The following CIT variants were observed in gnomAD, a reference collection of about 807,000 sequenced individuals.
CIT encodes citron Rho-interacting kinase.
CIT carries 79 observed loss-of-function variants against 272.7 expected under a neutral mutation model. That is an observed-to-expected ratio of 0.29 (90% CI 0.24 to 0.35). The LOEUF is 0.35. CIT is among the 10% of genes least tolerant of loss of function. The pLI is 1.00. For missense variants in CIT, 1,909 were observed against 2,618.3 expected, an observed-to-expected ratio of 0.73 and a Z score of 5.91; for synonymous variants, 948 against 995.6, an observed-to-expected ratio of 0.95 and a Z score of 0.90.
chr12:119,695,743 T>C (rs1956192934), intron 46 of CIT, among the ~76,000 whole-genome samples: 1 of 152,122 alleles, frequency 6.6e-6, no homozygotes, highest in Admixed American at 6.5e-5. Flanking sequence ...TGCAGTGAGC[T>C]GGTACCACTG....
chr12:119,713,902 G>A lies in CIT; in HGVS notation c.4307-254C>T, dbSNP rs1474916200. 8 of 606,204 alleles carry A rather than the reference G, an allele frequency of 1.3e-5. No homozygotes were observed. Among genetic ancestry groups the A allele is most frequent in the South Asian group, 4.0e-5 (2 of 49,868 alleles). 37.6% of individuals were successfully genotyped at this position (606,204 alleles called of 1,614,324 possible). Reference sequence around the variant, plus strand: ...CCACAAACAGGTGTGTAAAGAACACGTTTGCATGTTTCAGTTGGAGTCAGC... The same window carrying A: ...CCACAAACAGGTGTGTAAAGAACACATTTGCATGTTTCAGTTGGAGTCAGC... On this transcript the variant is annotated intron_variant, in intron 33 of 47. Transcript: ENST00000392521. The surrounding 1 kb of genome is among the most constrained non-coding windows in gnomAD (Gnocchi z 5.2).
chr12:119,688,357 C>T (rs1401917860), intron 47 of CIT, 102 bp from the exon 48 acceptor site: 1 of 1,169,674 alleles, frequency 8.5e-7, no homozygotes, highest in Non-Finnish European at 1.3e-6. Context: ...GGGCTATCCC[C>T]TTCAGCAGCT....
intron 3 of CIT, among the ~76,000 whole-genome samples, chr12:119,861,541 C>T (rs1044495090): frequency 9.2e-5 from 14 of 151,470 alleles, no homozygotes; most frequent in Non-Finnish European, 1.9e-4. Context: ...GAGCCGAGAT[C>T]GCGCCATTGC....
chr12:119,767,102 A>G lies in CIT; in HGVS notation c.2289T>C (p.Tyr763=), dbSNP rs1357370441. The change falls in exon 19 of 48, where the codon TAT becomes TAC. Residue 763 remains tyrosine, a synonymous_variant. Transcript: ENST00000392521. ...ATGTCTTTACTTTAATCTTTTCCTCATAGTGCTGCTCTTTCTGTTTCAGGT... is the reference window on the plus strand; with the variant it reads ...ATGTCTTTACTTTAATCTTTTCCTCGTAGTGCTGCTCTTTCTGTTTCAGGT... The part of the protein sequence containing the change: ...EVHLKQKEQH[Y]EEKIKVLDNQ... The G allele has an allele frequency of 3.1e-6, 5 of 1,609,858 alleles. No homozygotes were observed. The highest frequency in any genetic ancestry group is 3.4e-6 in the Non-Finnish European group (4 of 1,177,870).
chr12:119,776,963 G>A (rs1013193726), intron 13 of CIT, 121 bp from the exon 14 acceptor site: 1 of 1,114,864 alleles, frequency 9.0e-7, no homozygotes, highest in African/African-American at 1.6e-5. Flanking sequence ...GACTGGCAAA[G>A]AAAAGACCTG....
intron 32 of CIT, among the ~76,000 whole-genome samples, chr12:119,714,980 TC>T (rs1463649939): frequency 6.6e-6 from 1 of 152,224 alleles, no homozygotes; most frequent in African/African-American, 2.4e-5. Flanking sequence ...CCAAATCTCA[TC>T]TTGAATTGCA....
At chr12:119,845,837 C>T (rs1969763014) in intron 5 of CIT, among the ~76,000 whole-genome samples, 1 of 150,828 alleles carries the variant, frequency 6.6e-6, no homozygotes, top group African/African-American at 2.4e-5. Flanking sequence ...GTAATCCCAA[C>T]TACTCGGGAG....
At chr12:119,831,472 T>C (rs1968624060) in intron 7 of CIT, among the ~76,000 whole-genome samples, 1 of 152,092 alleles carries the variant, frequency 6.6e-6, no homozygotes, top group Non-Finnish European at 1.5e-5. Context: ...AGGTCTCAGG[T>C]CTGCAGAACA....
At chr12:119,692,487 T>G (rs1317519099) in intron 46 of CIT, among the ~76,000 whole-genome samples, 2 of 152,232 alleles carry the variant, frequency 1.3e-5, no homozygotes, top group Non-Finnish European at 2.9e-5. Flanking sequence ...CAGTGTTTAT[T>G]GTGGAAGGAG....
chr12:119,806,650 T>A (rs1475317169), intron 9 of CIT, among the ~76,000 whole-genome samples: 6 of 77,358 alleles, frequency 7.8e-5, no homozygotes, highest in Non-Finnish European at 1.2e-4. Context: ...CTCCTTCCAA[T>A]CCCTACCAGA....
At position 119,764,432 on chromosome 12, in the gene CIT, C is replaced by T. The variant is rs191902051; in HGVS notation, c.2304+2655G>A. ...GAATGTCTAGAAGTAAAAAATATAACAACCGAAATTAAAACTCAACAGAAA... is the reference window on the plus strand; with the variant it reads ...GAATGTCTAGAAGTAAAAAATATAATAACCGAAATTAAAACTCAACAGAAA... On this transcript the variant is annotated intron_variant, in intron 19 of 47. Coordinates refer to ENST00000392521, the MANE Select transcript of CIT (RefSeq NM_001206999.2). Among the ~76,000 whole-genome samples the T allele has an allele frequency of 2.6e-5, 4 of 151,948 alleles. No homozygotes were observed. In the East Asian group the frequency reaches 7.8e-4, roughly 29 times the overall value.
intron 5 of CIT, 43 bp downstream of exon 5, chr12:119,850,131 A>G (rs375188807): frequency 1.8e-5 from 22 of 1,210,332 alleles, no homozygotes; most frequent in Non-Finnish European, 2.6e-5. Context: ...TCTGAGTGTC[A>G]GAGTGCTAGG....
intron 23 of CIT, among the ~76,000 whole-genome samples, chr12:119,743,703 C>G (rs1440617187): frequency 1.3e-5 from 2 of 152,126 alleles, no homozygotes; most frequent in South Asian, 4.1e-4. Flanking sequence ...AGAAAAAGTG[C>G]TGTTAAACTA....
At chr12:119,799,469 GC>G (rs1966005345) in intron 10 of CIT, among the ~76,000 whole-genome samples, 1 of 152,184 alleles carries the variant, frequency 6.6e-6, no homozygotes, top group Non-Finnish European at 1.5e-5. Context: ...GGAAGCAATG[GC>G]AACAGCCACT....
rs897968236 is a variant in CIT at position 119,776,467 on chromosome 12, G to C, written c.1837-59C>G. 5 of 1,434,582 alleles carry C rather than the reference G, an allele frequency of 3.5e-6. No individual in the cohort carries two copies. In the African/African-American group the frequency reaches 7.1e-5, roughly 20 times the overall value. 88.9% of individuals were successfully genotyped at this position (1,434,582 alleles called of 1,614,324 possible). A position where few individuals can be genotyped will look rare whatever the true frequency, so the allele number is the denominator to read the frequency against. On this transcript the variant is annotated intron_variant, in intron 14 of 47. Transcript: ENST00000392521. ...CTCAACAACCTAAAAAAGTCGTGTA[G>C]ACTACTTTCTTGGTCTCTGTGACCA...
chr12:119,803,946 C>T (rs1966422753), intron 9 of CIT, among the ~76,000 whole-genome samples: 1 of 151,474 alleles, frequency 6.6e-6, no homozygotes, highest in South Asian at 2.1e-4. Flanking sequence ...CAGTCTACTT[C>T]ATTCATACCC....
chr12:119,764,303 T>A (rs1488649711), intron 19 of CIT, among the ~76,000 whole-genome samples: 1 of 152,180 alleles, frequency 6.6e-6, no homozygotes, highest in East Asian at 1.9e-4. Flanking sequence ...AAAATAACTA[T>A]GCTCAGTACA....
chr12:119,739,064 G>C (rs1186232825), intron 24 of CIT, among the ~76,000 whole-genome samples: 1 of 152,186 alleles, frequency 6.6e-6, no homozygotes, highest in African/African-American at 2.4e-5. Flanking sequence ...TGGCATGTTA[G>C]GGGTGAAGAA....
intron 12 of CIT, 34 bp from the exon 13 acceptor site, chr12:119,782,671 T>C (rs1456325631): frequency 1.9e-6 from 3 of 1,610,746 alleles, no homozygotes; most frequent in Admixed American, 3.3e-5. Flanking sequence ...AGGGATGCCC[T>C]GTGGATCCTG....
Sources: allele counts gnomAD v4.1 joint callset (sites outside exome capture counted in the v4.1 genomes callset), GRCh38; gene constraint gnomAD v4.1.1; non-coding constraint Gnocchi (gnomAD v3.1); transcripts MANE v1.5; gene names NCBI Gene and HGNC (gene_info 2026-07-23, HGNC 2026-07-21).